SPATA16: variants seen among roughly 807,000 people sequenced by gnomAD.
SPATA16 encodes the protein spermatogenesis-associated protein 16.
A neutral mutation model predicts 63.3 loss-of-function variants in SPATA16; 36 were observed. The ratio of observed to expected loss-of-function variants is 0.57; its 90% CI spans 0.44 to 0.75. The LOEUF is 0.75. Among genes scored for constraint, SPATA16 ranks in the 30% least tolerant of loss-of-function variants. The pLI, the probability that SPATA16 is intolerant of heterozygous loss-of-function variation, is 0.00. For missense variants in SPATA16, 646 were observed against 679.3 expected (o/e 0.95, Z 0.54); for synonymous variants, 203 against 216.7 (o/e 0.94, Z 0.56).
intron 2 of SPATA16, among the ~76,000 whole-genome samples, chr3:173,059,007 G>A (rs1159095922): frequency 6.6e-6 from 1 of 151,472 alleles, no homozygotes; most frequent in Non-Finnish European, 1.5e-5. Context: ...TATTTTTCTA[G>A]AAAATCATAG....
chr3:172,928,703 G>T (rs1275385424), intron 6 of SPATA16, among the ~76,000 whole-genome samples: 1 of 152,140 alleles, frequency 6.6e-6, no homozygotes, highest in African/African-American at 2.4e-5. Flanking sequence ...TATAAAACAT[G>T]CTTGCAAAAA....
intron 6 of SPATA16, among the ~76,000 whole-genome samples, chr3:172,938,264 C>T (rs895719027): frequency 2.0e-5 from 3 of 151,970 alleles, no homozygotes; most frequent in South Asian, 2.1e-4. Context: ...AAGGGAGAGG[C>T]GAAGGACTTG....
At chr3:172,957,176 A>T (rs540696235) in intron 5 of SPATA16, among the ~76,000 whole-genome samples, 8 of 152,310 alleles carry the variant, frequency 5.3e-5, no homozygotes, top group African/African-American at 1.9e-4. Context: ...TTGAGCAGAC[A>T]TTGGTGAGCA....
intron 4 of SPATA16, among the ~76,000 whole-genome samples, chr3:172,981,524 AC>A: frequency 6.6e-6 from 1 of 152,212 alleles, no homozygotes; most frequent in African/African-American, 2.4e-5. Flanking sequence ...GAATGGCCAT[AC>A]TGTTGCTTCT....
At position 172,889,440 on chromosome 3, in the gene SPATA16, G is replaced by A. The variant is rs1427847184; in HGVS notation, c.*130C>T. ...GTGTCTTTGGTAAAGATGAACTGAG[G>A]GGAATACCACCTCTTTCTTTTGGTG... On this transcript the variant is annotated 3_prime_UTR_variant, in exon 11 of 11. Coordinates refer to ENST00000351008, the MANE Select transcript of SPATA16 (RefSeq NM_031955.6). 3.9e-6 allele frequency: 5 copies of A among 1,291,474 alleles called. No homozygotes were observed. The highest frequency in any genetic ancestry group is 1.2e-5 in the South Asian group (1 of 82,668). The allele number at this position is 1,291,474 out of a possible 1,614,324, so 80.0% of individuals were successfully genotyped here.
chr3:172,921,380 CTT>C (rs1175964786), intron 8 of SPATA16, among the ~76,000 whole-genome samples: 2 of 152,132 alleles, frequency 1.3e-5, no homozygotes, highest in African/African-American at 4.8e-5. Flanking sequence ...ATGGAAGTGT[CTT>C]TGATATTGGC....
chr3:172,996,441 G>A (rs963365932), intron 4 of SPATA16, among the ~76,000 whole-genome samples: 3 of 151,890 alleles, frequency 2.0e-5, no homozygotes, highest in Admixed American at 2.0e-4. Flanking sequence ...TCTACTAGTG[G>A]ATGTTTTAAA....
chr3:173,088,087 CTTTT>C (rs543770917), intron 2 of SPATA16, among the ~76,000 whole-genome samples: 1 of 62,956 alleles, frequency 1.6e-5, no homozygotes, highest in Non-Finnish European at 3.2e-5. Context: ...TCTGTCTTTT[CTTTT>C]TTTTTTTTTT....
At chr3:172,959,407 C>T (rs78456239) in intron 5 of SPATA16, among the ~76,000 whole-genome samples, 5,993 of 152,284 alleles carry the variant, frequency 0.039, 397 homozygotes, top group African/African-American at 0.14. Flanking sequence ...ACAGGGCTCT[C>T]ACTCAGGAGG....
At chr3:172,953,406 T>G (rs985613437) in intron 6 of SPATA16, among the ~76,000 whole-genome samples, 1 of 152,010 alleles carries the variant, frequency 6.6e-6, no homozygotes, top group Non-Finnish European at 1.5e-5. Flanking sequence ...TTCTGTGGAA[T>G]GGAGGGGATT....
intron 2 of SPATA16, among the ~76,000 whole-genome samples, chr3:173,088,030 CTTTCT>C (rs1737111957): frequency 7.7e-6 from 1 of 130,252 alleles, no homozygotes; most frequent in Non-Finnish European, 1.6e-5. Context: ...TTCTTTCTTT[CTTTCT>C]TTCTTTCTTT....
chr3:173,140,766 G>A (rs1243412812), intron 1 of SPATA16, among the ~76,000 whole-genome samples: 2 of 152,116 alleles, frequency 1.3e-5, no homozygotes, highest in Admixed American at 1.3e-4. Context: ...TTAGAATAAA[G>A]CAAAACAAAA....
rs577095995 is a variant in SPATA16 at position 173,042,938 on chromosome 3, AG to A, written c.758+6010del. Among the ~76,000 whole-genome samples, 410 of 152,282 alleles carry A rather than the reference AG, an allele frequency of 2.7e-3. 4 individuals are homozygous for A. The highest frequency in any genetic ancestry group is 6.8e-3 in the Middle Eastern group (2 of 294). On this transcript the variant is annotated intron_variant, in intron 3 of 10. Coordinates refer to ENST00000351008, the MANE Select transcript of SPATA16 (RefSeq NM_031955.6). ...TTAATTGAGTCTTATTTTCATCTCT[AG>A]TAGTACACCTTCTCTTAAATTCTAC...
At chr3:173,018,135 G>T (rs1272223608) in intron 4 of SPATA16, among the ~76,000 whole-genome samples, 1 of 152,154 alleles carries the variant, frequency 6.6e-6, no homozygotes, top group East Asian at 1.9e-4. Flanking sequence ...ATAAAAAGAT[G>T]TTGTGGCATT....
chr3:173,137,267 A>G (rs958734368), intron 1 of SPATA16, among the ~76,000 whole-genome samples: 3 of 152,198 alleles, frequency 2.0e-5, no homozygotes, highest in African/African-American at 7.2e-5. Flanking sequence ...CCTCCCGCCC[A>G]TTATATCCCA....
intron 5 of SPATA16, among the ~76,000 whole-genome samples, chr3:172,974,233 G>A (rs1734106413): frequency 6.6e-6 from 1 of 152,034 alleles, no homozygotes; most frequent in African/African-American, 2.4e-5. Flanking sequence ...CTGTTAAGAA[G>A]AATAACCAAC....
intron 1 of SPATA16, among the ~76,000 whole-genome samples, chr3:173,139,671 C>G (rs773620756): frequency 6.6e-6 from 1 of 152,142 alleles, no homozygotes; most frequent in African/African-American, 2.4e-5. Context: ...AGGAATGTAG[C>G]TTCAGTCACT....
chr3:173,097,318 G>A (rs1427345591), intron 2 of SPATA16, among the ~76,000 whole-genome samples: 2 of 152,030 alleles, frequency 1.3e-5, no homozygotes, highest in East Asian at 3.9e-4. Flanking sequence ...TGCAATTCAG[G>A]TATGCCAAAG....
chr3:173,007,817 T>G (rs1040732826), intron 4 of SPATA16, among the ~76,000 whole-genome samples: 2 of 151,972 alleles, frequency 1.3e-5, no homozygotes, highest in African/African-American at 4.8e-5. Flanking sequence ...AATATTTCCC[T>G]AAATGATTTA....
Sources: allele counts gnomAD v4.1 joint callset (sites outside exome capture counted in the v4.1 genomes callset), GRCh38; gene constraint gnomAD v4.1.1; transcripts MANE v1.5; gene names NCBI Gene and HGNC (gene_info 2026-07-23, HGNC 2026-07-21).